The following ATXN7L1 variants were observed in gnomAD, a reference collection of about 807,000 sequenced individuals.
ATXN7L1 encodes ataxin-7-like protein 1.
Under a neutral mutation model 70.8 loss-of-function variants are expected in ATXN7L1, and 15 were observed. The observed-to-expected ratio is 0.21, with a 90% CI of 0.14 to 0.33. The LOEUF is 0.33. Ranked by LOEUF, ATXN7L1 falls within the 10% of genes least tolerant of loss-of-function variation. The probability of loss-of-function intolerance (pLI) is 1.00; values close to 1 mark genes in which losing one functional copy is unlikely to be tolerated. For synonymous variants in ATXN7L1, 440 were observed against 445.1 expected (o/e 0.99, Z 0.14); for missense variants, 975 against 1,097.1 (o/e 0.89, Z 1.57).
At chr7:105,840,954 A>G (rs1172615313) in intron 2 of ATXN7L1, among the ~76,000 whole-genome samples, 1 of 152,230 alleles carries the variant, frequency 6.6e-6, no homozygotes, top group East Asian at 1.9e-4. Flanking sequence ...AAATCTGGAC[A>G]TAAGACAATC....
chr7:105,757,512 A>T (rs962120154), intron 3 of ATXN7L1, among the ~76,000 whole-genome samples: 31 of 151,910 alleles, frequency 2.0e-4, no homozygotes, highest in African/African-American at 7.3e-5. Flanking sequence ...CTTTTTCACC[A>T]AAAAGGCAGA....
intron 7 of ATXN7L1, among the ~76,000 whole-genome samples, chr7:105,632,921 TAA>T (rs11417434): frequency 2.0e-4 from 12 of 60,056 alleles, no homozygotes; most frequent in African/African-American, 5.0e-4. Context: ...ATCTTGTCTT[TAA>T]AAAAAAAAAA....
At chr7:105,859,791 T>C (rs897433004) in intron 2 of ATXN7L1, among the ~76,000 whole-genome samples, 2 of 148,816 alleles carry the variant, frequency 1.3e-5, no homozygotes, top group African/African-American at 4.9e-5. Context: ...TCTTTTTTTT[T>C]TTTTTTTTTG....
At chr7:105,768,554 C>T in intron 3 of ATXN7L1, among the ~76,000 whole-genome samples, 1 of 152,232 alleles carries the variant, frequency 6.6e-6, no homozygotes, top group South Asian at 2.1e-4. Flanking sequence ...AGCCAAAACC[C>T]ATCACGAGTA....
chr7:105,643,484 C>T (rs1798548296), intron 4 of ATXN7L1, among the ~76,000 whole-genome samples: 1 of 152,222 alleles, frequency 6.6e-6, no homozygotes, highest in Non-Finnish European at 1.5e-5. Context: ...GAAGAGATAC[C>T]GTTTGTCCCC....
At chr7:105,750,478 T>C (rs1296924652) in intron 3 of ATXN7L1, among the ~76,000 whole-genome samples, 1 of 151,756 alleles carries the variant, frequency 6.6e-6, no homozygotes, top group Non-Finnish European at 1.5e-5. Context: ...GTCTGCTATG[T>C]TGCCTAGGCT....
rs184447858 is a variant in ATXN7L1, at chr7:105,729,458, C to G, written c.355+59146G>C. On this transcript the variant is annotated intron_variant, in intron 3 of 11. Transcript: ENST00000419735. ...TTTTTTTTTTTTTTTGAGGCAGAGTCCTGCCCTGTTGCCCAGGCTGGAATG... is the reference window on the plus strand; with the variant it reads ...TTTTTTTTTTTTTTTGAGGCAGAGTGCTGCCCTGTTGCCCAGGCTGGAATG... 4.8e-3 allele frequency among the ~76,000 whole-genome samples: 708 copies of G among 147,306 alleles called. 6 individuals are homozygous for G. The highest frequency in any genetic ancestry group is 0.016 in the African/African-American group (644 of 40,192).
chr7:105,783,502 A>G (rs1288041198), intron 3 of ATXN7L1, among the ~76,000 whole-genome samples: 1 of 152,186 alleles, frequency 6.6e-6, no homozygotes, highest in Non-Finnish European at 1.5e-5. Context: ...AGAAAGACCA[A>G]TTGGAGATTG....
chr7:105,650,563 G>GT (rs2115976006), intron 4 of ATXN7L1, among the ~76,000 whole-genome samples: 1 of 152,354 alleles, frequency 6.6e-6, no homozygotes, highest in Non-Finnish European at 1.5e-5. Flanking sequence ...CAGTTACCAG[G>GT]TGAGTGGTCC....
intron 9 of ATXN7L1, among the ~76,000 whole-genome samples, chr7:105,615,752 G>T (rs1793793408): frequency 6.6e-6 from 1 of 152,140 alleles, no homozygotes; most frequent in Admixed American, 6.5e-5. Flanking sequence ...GACAGGAGGA[G>T]AAAAACAGGA....
At chr7:105,820,294 T>C (rs1809946239) in intron 2 of ATXN7L1, among the ~76,000 whole-genome samples, 1 of 152,180 alleles carries the variant, frequency 6.6e-6, no homozygotes, top group Non-Finnish European at 1.5e-5. Flanking sequence ...ATATATTGGC[T>C]TAATATTCAT....
intron 4 of ATXN7L1, among the ~76,000 whole-genome samples, chr7:105,655,455 C>A (rs1019279576): frequency 6.6e-6 from 1 of 152,086 alleles, no homozygotes; most frequent in African/African-American, 2.4e-5. Flanking sequence ...GTGGGGTGGA[C>A]AGGAGGATGG....
intron 2 of ATXN7L1, among the ~76,000 whole-genome samples, chr7:105,818,195 G>T (rs1050233160): frequency 1.3e-5 from 2 of 151,986 alleles, no homozygotes; most frequent in Non-Finnish European, 2.9e-5. Flanking sequence ...TGAGATGGGG[G>T]GTCTCATTCT....
At position 105,799,939 on chromosome 7, in the gene ATXN7L1, G is replaced by C. The variant is rs1444286499; in HGVS notation, c.251-11231C>G. Reference sequence around the variant, plus strand: ...CTACCGACTGCACCAATGCTGCCGAGGGACAGAAATAAACTTTTGCTGTAA... The same window carrying C: ...CTACCGACTGCACCAATGCTGCCGACGGACAGAAATAAACTTTTGCTGTAA... On this transcript the variant is annotated intron_variant, in intron 2 of 11. Transcript: ENST00000419735. Among the ~76,000 whole-genome samples, 4 of 152,260 alleles carry C rather than the reference G, an allele frequency of 2.6e-5. No individual in the cohort carries two copies. In the Middle Eastern group the frequency reaches 0.01, roughly 388 times the overall value.
intron 4 of ATXN7L1, among the ~76,000 whole-genome samples, chr7:105,659,562 T>C (rs1161247084): frequency 1.3e-5 from 2 of 152,136 alleles, no homozygotes; most frequent in Non-Finnish European, 2.9e-5. Context: ...GGAAAGGGCA[T>C]TGAGAGAAGG....
intron 2 of ATXN7L1, among the ~76,000 whole-genome samples, chr7:105,797,648 T>C (rs1184043086): frequency 6.6e-6 from 1 of 152,272 alleles, no homozygotes; most frequent in African/African-American, 2.4e-5. Flanking sequence ...ATGACTTATT[T>C]GTGAAGAGGC....
intron 3 of ATXN7L1, among the ~76,000 whole-genome samples, chr7:105,766,156 T>C (rs2116425711): frequency 6.6e-6 from 1 of 150,510 alleles, no homozygotes; most frequent in African/African-American, 2.4e-5. Context: ...TCAACCATGT[T>C]TTGGCAACTA....
intron 3 of ATXN7L1, among the ~76,000 whole-genome samples, chr7:105,733,834 C>CTATG (rs1797023588): frequency 1.2e-5 from 1 of 84,844 alleles, no homozygotes; most frequent in Non-Finnish European, 2.4e-5. Context: ...ACCCCTCCAT[C>CTATG]CGTCCACCCA....
chr7:105,610,184 C>T (rs772246557), intron 11 of ATXN7L1, among the ~76,000 whole-genome samples: 2 of 152,174 alleles, frequency 1.3e-5, no homozygotes, highest in African/African-American at 4.8e-5. Flanking sequence ...AGGTAATGTG[C>T]GTACGCTCAT....
Sources: allele counts gnomAD v4.1 joint callset (sites outside exome capture counted in the v4.1 genomes callset), GRCh38; gene constraint gnomAD v4.1.1; transcripts MANE v1.5; gene names NCBI Gene and HGNC (gene_info 2026-07-23, HGNC 2026-07-21).